ITPR1: variants seen among roughly 807,000 people sequenced by gnomAD.
ITPR1 encodes inositol 1,4,5-trisphosphate receptor type 1.
In ITPR1, 96 loss-of-function variants were observed where a neutral mutation model predicts 318.4. The ratio of observed to expected loss-of-function variants is 0.30; its 90% CI spans 0.26 to 0.36. The LOEUF (loss-of-function observed/expected upper bound fraction) is 0.36, where lower values mean the gene tolerates loss of function less well. Among genes scored for constraint, ITPR1 ranks in the 10% least tolerant of loss-of-function variants. The probability of loss-of-function intolerance (pLI) is 1.00; values close to 1 mark genes in which losing one functional copy is unlikely to be tolerated. For missense variants in ITPR1, 2,440 were observed against 3,460.2 expected, an observed-to-expected ratio of 0.71 and a Z score of 7.40; for synonymous variants, 1,312 against 1,289.9, an observed-to-expected ratio of 1.02 and a Z score of -0.37.
At chr3:4,697,336 G>GTGTGTGTGTGTGTGTGTT in intron 34 of ITPR1, 64 bp downstream of exon 34, 1 of 1,409,388 alleles carries the variant, frequency 7.1e-7, no homozygotes. Context: ...GTGTGTGTGT[G>GTGTGTGTGTGTGTGTGTT]TGTGTGTGTG....
chr3:4,509,726 G>C lies in ITPR1; in HGVS notation c.-16-6750G>C, dbSNP rs186571753. Among the ~76,000 whole-genome samples the C allele has an allele frequency of 5.9e-5, 9 of 152,318 alleles. 1 individual carries two copies. Among genetic ancestry groups the C allele is most frequent in the African/African-American group, 2.2e-4 (9 of 41,578 alleles). On this transcript the variant is annotated intron_variant, in intron 2 of 61. Transcript: ENST00000649015. ...GTGGGAGGATCACTTGAGCCTGGGA[G>C]GTCAAGGCTGCAGTGAGCTATGATT...
At chr3:4,510,757 T>C (rs952870082) in intron 2 of ITPR1, among the ~76,000 whole-genome samples, 9 of 152,212 alleles carry the variant, frequency 5.9e-5, no homozygotes, top group Non-Finnish European at 1.2e-4. Context: ...ATCCATGGTG[T>C]AGAGTTTATA....
intron 30 of ITPR1, among the ~76,000 whole-genome samples, chr3:4,687,911 C>CAT (rs2094422286): frequency 6.6e-6 from 1 of 152,062 alleles, no homozygotes; most frequent in African/African-American, 2.4e-5. Context: ...TCCACTTTGC[C>CAT]ATGGGAGCTG....
intron 4 of ITPR1, among the ~76,000 whole-genome samples, chr3:4,554,448 G>A (rs770161451): frequency 3.9e-5 from 6 of 152,130 alleles, no homozygotes; most frequent in Non-Finnish European, 5.9e-5. Context: ...GTTTTTTGTG[G>A]GCATGAATCA....
At chr3:4,582,657 A>G (rs906442698) in intron 4 of ITPR1, among the ~76,000 whole-genome samples, 1 of 152,232 alleles carries the variant, frequency 6.6e-6, no homozygotes. Context: ...AATTGACTGG[A>G]CAACGTATTC....
chr3:4,541,661 C>G (rs966824496), intron 4 of ITPR1, among the ~76,000 whole-genome samples: 9 of 151,768 alleles, frequency 5.9e-5, no homozygotes, highest in Admixed American at 5.2e-4. Flanking sequence ...GAGTCTCACT[C>G]TGTTGCCAGG....
intron 53 of ITPR1, among the ~76,000 whole-genome samples, chr3:4,797,938 A>G (rs2047996313): frequency 1.3e-5 from 2 of 152,244 alleles, no homozygotes; most frequent in Non-Finnish European, 1.5e-5. Flanking sequence ...AAATCCTGTA[A>G]TAGCCTGCCC....
intron 2 of ITPR1, among the ~76,000 whole-genome samples, chr3:4,498,282 C>T (rs1229992720): frequency 6.6e-6 from 1 of 152,170 alleles, no homozygotes; most frequent in Non-Finnish European, 1.5e-5. Flanking sequence ...TAGATCTTTA[C>T]TACATGACAT....
At chr3:4,560,648 A>G (rs1448325901) in intron 4 of ITPR1, among the ~76,000 whole-genome samples, 1 of 152,194 alleles carries the variant, frequency 6.6e-6, no homozygotes, top group African/African-American at 2.4e-5. Flanking sequence ...AAGGAGAAAG[A>G]AAAAAATGTT....
chr3:4,629,678 A>C (rs1029513120), intron 5 of ITPR1, among the ~76,000 whole-genome samples: 1 of 152,372 alleles, frequency 6.6e-6, no homozygotes, highest in East Asian at 1.9e-4. Flanking sequence ...TGGGAGCTGA[A>C]TATCAAAGAA....
At chr3:4,772,220 G>C (rs1023046294) in intron 46 of ITPR1, among the ~76,000 whole-genome samples, 2 of 152,236 alleles carry the variant, frequency 1.3e-5, no homozygotes, top group Admixed American at 6.5e-5. Context: ...ATTCCTCTTG[G>C]ATCGGAGGGA....
At chr3:4,760,864 A>G (rs1041624753) in intron 44 of ITPR1, among the ~76,000 whole-genome samples, 1 of 152,184 alleles carries the variant, frequency 6.6e-6, no homozygotes, top group African/African-American at 2.4e-5. Context: ...CGGGTAATCC[A>G]AGCTCATCTG....
intron 4 of ITPR1, among the ~76,000 whole-genome samples, chr3:4,541,380 G>T (rs958707951): frequency 6.6e-6 from 1 of 151,926 alleles, no homozygotes; most frequent in Non-Finnish European, 1.5e-5. Flanking sequence ...AGATTGATGG[G>T]TACTTTCTGT....
intron 4 of ITPR1, among the ~76,000 whole-genome samples, chr3:4,533,645 A>G (rs1456073232): frequency 2.0e-5 from 3 of 152,246 alleles, no homozygotes; most frequent in Non-Finnish European, 4.4e-5. Flanking sequence ...TCCGTTTTAA[A>G]AACTCAGCCA....
intron 4 of ITPR1, among the ~76,000 whole-genome samples, chr3:4,625,214 G>C (rs992821448): frequency 6.6e-6 from 1 of 150,792 alleles, no homozygotes; most frequent in Non-Finnish European, 1.5e-5. Flanking sequence ...CTACAATTAA[G>C]TGATCTTTTT....
rs1365239235 is a variant in ITPR1, at chr3:4,710,037, C to T, written c.4843-288C>T. Among the ~76,000 whole-genome samples the T allele has an allele frequency of 6.6e-6, 1 of 152,084 alleles. No individual in the cohort carries two copies. Among genetic ancestry groups the T allele is most frequent in the Non-Finnish European group, 1.5e-5 (1 of 68,012 alleles). Reference sequence around the variant, plus strand: ...TCCATGTTGTTAAATTGATTTTTTGCGTCATATTTTAAGCTACATGCAGTG... The same window carrying T: ...TCCATGTTGTTAAATTGATTTTTTGTGTCATATTTTAAGCTACATGCAGTG... On this transcript the variant is annotated intron_variant, in intron 37 of 61. Transcript: ENST00000649015. This position sits in a 1 kb window ranked among gnomAD's most constrained non-coding sequence, Gnocchi z 4.2.
At chr3:4,823,523 A>T (rs1257922386) in intron 60 of ITPR1, among the ~76,000 whole-genome samples, 1 of 152,224 alleles carries the variant, frequency 6.6e-6, no homozygotes, top group East Asian at 1.9e-4. Context: ...ATGGATCTGG[A>T]GGCCATTATC....
chr3:4,844,673 G>A (rs982339610), intron 61 of ITPR1, among the ~76,000 whole-genome samples: 1 of 152,176 alleles, frequency 6.6e-6, no homozygotes, highest in Non-Finnish European at 1.5e-5. Flanking sequence ...AGTGTAGTGT[G>A]TAACACTTCC....
At chr3:4,557,905 A>G (rs970515912) in intron 4 of ITPR1, among the ~76,000 whole-genome samples, 3 of 152,156 alleles carry the variant, frequency 2.0e-5, no homozygotes, top group Admixed American at 1.3e-4. Flanking sequence ...GGTATTCATA[A>G]ATTTATGGTG....
Sources: gnomAD v4.1 joint callset for allele counts (sites outside exome capture counted in the v4.1 genomes callset) on GRCh38, gnomAD v4.1.1 for gene constraint, Gnocchi (gnomAD v3.1) non-coding constraint, MANE v1.5 for transcripts, NCBI Gene and HGNC (gene_info 2026-07-23, HGNC 2026-07-21) for gene names.